SGIP1: variants seen among roughly 807,000 people sequenced by gnomAD.
The protein encoded by SGIP1 is SH3-containing GRB2-like protein 3-interacting protein 1.
Under a neutral mutation model 107.5 loss-of-function variants are expected in SGIP1, and 38 were observed. The ratio of observed to expected loss-of-function variants is 0.35; its 90% CI spans 0.27 to 0.46. The LOEUF (loss-of-function observed/expected upper bound fraction) is 0.46, where lower values mean the gene tolerates loss of function less well. Ranked by LOEUF, SGIP1 falls within the 20% of genes least tolerant of loss-of-function variation. SGIP1 has a pLI of 1.00. For synonymous variants in SGIP1, 365 were observed against 366.1 expected (o/e 1.00, Z 0.03); for missense variants, 929 against 1,019.5 (o/e 0.91, Z 1.21).
rs367994546 is a variant in SGIP1 at position 66,739,350 on chromosome 1, A to T, written c.2047A>T (p.Ile683Phe). The change falls in exon 22 of 25, where the codon ATT becomes TTT. Residue 683 changes from isoleucine (I) to phenylalanine (F), a missense_variant. Physicochemically the swap from Ile to Phe is conservative, Grantham distance 21. This residue lies in a region of SGIP1 where 341 missense variants were observed against 430.9 expected (regional missense o/e 0.79). Coordinates refer to ENST00000371037, the MANE Select transcript of SGIP1 (RefSeq NM_032291.4). Reference protein sequence around the residue: ...MLKYQVSAQGIQSTPLNLAVN... With the variant: ...MLKYQVSAQGFQSTPLNLAVN... ...GTTCGGCAAGGTGTCTGCCCAGGGC[A>T]TTCAGTCCACACCTCTGAACCTGGC... is the stretch of plus-strand genomic sequence containing the variant. 1 of 1,613,948 alleles carries T rather than the reference A, an allele frequency of 6.2e-7. No individual in the cohort carries two copies. The highest frequency in any genetic ancestry group is 8.5e-7 in the Non-Finnish European group (1 of 1,179,992).
intron 7 of SGIP1, among the ~76,000 whole-genome samples, chr1:66,653,306 A>G (rs981103668): frequency 2.6e-5 from 4 of 150,998 alleles, no homozygotes; most frequent in African/African-American, 9.7e-5. Context: ...TTCATTACTG[A>G]TTTTTTTTTC....
chr1:66,682,403 G>T, intron 15 of SGIP1, 34 bp downstream of exon 15: 2 of 1,575,530 alleles, frequency 1.3e-6, no homozygotes, highest in Non-Finnish European at 1.7e-6. Flanking sequence ...TTCTTGTGAC[G>T]GGGAATGGCC....
intron 1 of SGIP1, among the ~76,000 whole-genome samples, chr1:66,557,628 G>A (rs1187838798): frequency 1.3e-5 from 2 of 152,102 alleles, no homozygotes; most frequent in Admixed American, 6.6e-5. Flanking sequence ...TAAATGTTTA[G>A]GGAGGAGTAG....
rs1021874153 is a variant in SGIP1 at position 66,624,155 on chromosome 1, T to C, written c.11-1692T>C. Among the ~76,000 whole-genome samples, 3 of 152,006 alleles carry C rather than the reference T, an allele frequency of 2.0e-5. No homozygotes were observed. The South Asian group carries it at 6.3e-4, about 32-fold the overall frequency. On this transcript the variant is annotated intron_variant, in intron 1 of 24. Transcript: ENST00000371037. ...CAGTCCTGTAAAAACCAGTGGTGAT[T>C]GCTGAATATGGCATTCATTGTGAGC...
Position 66,637,828 on chromosome 1 carries a change from TAC to T in SGIP1, c.171+1815_171+1816del, listed in dbSNP as rs560342881. Reference sequence around the variant, plus strand: ...GTATGTGTGTATGTATATATGTGTGTACATATACATACACACATATATACATA... The same window carrying T: ...GTATGTGTGTATGTATATATGTGTGTATATACATACACACATATATACATA... On this transcript the variant is annotated intron_variant, in intron 4 of 24. Transcript: ENST00000371037. 1.7e-4 allele frequency among the ~76,000 whole-genome samples: 25 copies of T among 150,040 alleles called. No individual in the cohort carries two copies. The South Asian group carries it at 4.0e-3, about 24-fold the overall frequency.
At chr1:66,677,693 G>A (rs1273219218) in intron 13 of SGIP1, among the ~76,000 whole-genome samples, 1 of 152,236 alleles carries the variant, frequency 6.6e-6, no homozygotes, top group Non-Finnish European at 1.5e-5. Context: ...CCGTTCACCG[G>A]TGGTGGGTTG....
At chr1:66,571,661 C>T (rs2060401117) in intron 1 of SGIP1, among the ~76,000 whole-genome samples, 1 of 152,000 alleles carries the variant, frequency 6.6e-6, no homozygotes. Context: ...AAATAATCTG[C>T]AAGTTCTCTG....
At chr1:66,698,608 G>A (rs1023128179) in intron 18 of SGIP1, among the ~76,000 whole-genome samples, 8 of 152,054 alleles carry the variant, frequency 5.3e-5, no homozygotes, top group Non-Finnish European at 1.2e-4. Flanking sequence ...TCGATCTCCT[G>A]ATCTTGTGAT....
intron 1 of SGIP1, among the ~76,000 whole-genome samples, chr1:66,570,323 A>G (rs1557920753): frequency 6.6e-6 from 1 of 151,888 alleles, no homozygotes. Flanking sequence ...GAGGGAAAAC[A>G]AAGTTGATTC....
At chr1:66,714,343 T>C (rs1394666772) in intron 18 of SGIP1, among the ~76,000 whole-genome samples, 1 of 152,154 alleles carries the variant, frequency 6.6e-6, no homozygotes, top group Admixed American at 6.6e-5. Context: ...AATCAACTAA[T>C]AGCATCTGCT....
At chr1:66,563,460 GA>G (rs887566120) in intron 1 of SGIP1, among the ~76,000 whole-genome samples, 8 of 152,024 alleles carry the variant, frequency 5.3e-5, no homozygotes, top group African/African-American at 1.9e-4. Context: ...CCACCAAGGT[GA>G]AGGGGAAGAA....
chr1:66,707,418 A>G (rs2092602663), intron 18 of SGIP1, among the ~76,000 whole-genome samples: 1 of 152,088 alleles, frequency 6.6e-6, no homozygotes, highest in Non-Finnish European at 1.5e-5. Context: ...TATAACCTTG[A>G]CCTCTTTATA....
intron 1 of SGIP1, among the ~76,000 whole-genome samples, chr1:66,571,367 G>A (rs1371561552): frequency 6.6e-6 from 1 of 151,900 alleles, no homozygotes; most frequent in Non-Finnish European, 1.5e-5. Context: ...CCCAATTTGA[G>A]CAAACATACT....
chr1:66,619,903 G>T (rs1480552898), intron 1 of SGIP1, among the ~76,000 whole-genome samples: 1 of 152,144 alleles, frequency 6.6e-6, no homozygotes, highest in East Asian at 1.9e-4. Context: ...AAATAAAATA[G>T]AAATAAAACT....
At chr1:66,659,980 A>AAGAC (rs2080677583) in intron 7 of SGIP1, 1 of 87,232 alleles carries the variant, frequency 1.1e-5, no homozygotes, top group Non-Finnish European at 1.9e-5. Context: ...GAAAGAAAGA[A>AAGAC]AGAAAGAAAG....
intron 1 of SGIP1, among the ~76,000 whole-genome samples, chr1:66,546,540 C>T (rs1422284944): frequency 6.6e-6 from 1 of 152,174 alleles, no homozygotes; most frequent in Non-Finnish European, 1.5e-5. Context: ...ATTTATTTTA[C>T]TATTCCTCTG....
intron 1 of SGIP1, among the ~76,000 whole-genome samples, chr1:66,549,220 T>C (rs553864101): frequency 7.9e-5 from 12 of 152,102 alleles, no homozygotes; most frequent in Non-Finnish European, 1.3e-4. Context: ...TCTTCCTTGC[T>C]TCCTCTCTTT....
intron 9 of SGIP1, 33 bp from the exon 10 acceptor site, chr1:66,670,962 C>T: frequency 1.7e-6 from 2 of 1,201,714 alleles, no homozygotes; most frequent in South Asian, 1.7e-5. Flanking sequence ...TATATGTGGT[C>T]TTAAACCTTA....
chr1:66,659,995 A>G lies in SGIP1; in HGVS notation c.460-518A>G, dbSNP rs3934238. On this transcript the variant is annotated intron_variant, in intron 7 of 24. Coordinates refer to ENST00000371037, the MANE Select transcript of SGIP1 (RefSeq NM_032291.4). Reference sequence around the variant, plus strand: ...GAAAGAAAGAAAGAAAGAAAGAAAGAAAGACAGACAGACAGACAGACAGGA... The same window carrying G: ...GAAAGAAAGAAAGAAAGAAAGAAAGGAAGACAGACAGACAGACAGACAGGA... 1.2e-3 allele frequency: 91 copies of G among 73,950 alleles called. 3 individuals carry two copies. In the East Asian group the frequency reaches 0.02, roughly 16 times the overall value. The allele number at this position is 73,950 out of a possible 1,614,324, so 4.6% of individuals were successfully genotyped here.
Sources: allele counts gnomAD v4.1 joint callset (sites outside exome capture counted in the v4.1 genomes callset), GRCh38; gene constraint gnomAD v4.1.1; regional missense constraint gnomAD v4.1.1; transcripts MANE v1.5; gene names NCBI Gene and HGNC (gene_info 2026-07-23, HGNC 2026-07-21).